PAM: variants seen among roughly 807,000 people sequenced by gnomAD.
The protein encoded by PAM is peptidylglycine alpha-amidating monooxygenase.
In PAM, 72 loss-of-function variants were observed where a neutral mutation model predicts 122.1. The ratio of observed to expected loss-of-function variants is 0.59; its 90% CI spans 0.49 to 0.72. The LOEUF (loss-of-function observed/expected upper bound fraction) is 0.72. Ranked by LOEUF, PAM falls within the 30% of genes least tolerant of loss-of-function variation. The probability of loss-of-function intolerance (pLI) is 0.00; values close to 1 mark genes in which losing one functional copy is unlikely to be tolerated. For missense variants in PAM, 1,106 were observed against 1,183.7 expected, an observed-to-expected ratio of 0.93 and a Z score of 0.96; for synonymous variants, 389 against 404.4, an observed-to-expected ratio of 0.96 and a Z score of 0.46.
At chr5:102,897,336 C>T (rs566633998) in intron 3 of PAM, among the ~76,000 whole-genome samples, 2 of 151,686 alleles carry the variant, frequency 1.3e-5, no homozygotes, top group Admixed American at 1.3e-4. Context: ...CTCTGAGGTA[C>T]AAAGTCACAA....
Position 103,003,104 on chromosome 5 carries a change from T to C in PAM, c.1685T>C (p.Ile562Thr). 2 of 1,603,204 alleles carry C rather than the reference T, an allele frequency of 1.2e-6. No homozygotes were observed. The highest frequency in any genetic ancestry group is 1.7e-6 in the Non-Finnish European group (2 of 1,170,178). The change falls in exon 17 of 26, where the codon ATA becomes ACA. Residue 562 changes from isoleucine to threonine, a missense_variant. Coordinates refer to ENST00000438793, the MANE Select transcript of PAM (RefSeq NM_001177306.2). ...GPIEEDTILV[I>T]DPNNAAVLQS... ...ATTGAAGAAGACACTATTCTTGTCA[T>C]AGATCCAAATAATGCTGCAGTACTC...
intron 4 of PAM, among the ~76,000 whole-genome samples, chr5:102,912,727 T>C (rs1452982756): frequency 1.3e-5 from 2 of 152,016 alleles, no homozygotes; most frequent in Non-Finnish European, 2.9e-5. Flanking sequence ...AAACCAAGCC[T>C]CAAGTTATAG....
intron 4 of PAM, among the ~76,000 whole-genome samples, chr5:102,906,645 G>A (rs531526811): frequency 6.6e-6 from 1 of 151,844 alleles, no homozygotes; most frequent in East Asian, 2.0e-4. Flanking sequence ...GGAGGACAAA[G>A]AACCAGACTC....
chr5:102,858,496 C>A lies in PAM; in HGVS notation c.-373-7327C>A, dbSNP rs145157319. On this transcript the variant is annotated intron_variant, in intron 1 of 25. Transcript: ENST00000438793. The stretch of plus-strand genomic sequence containing the variant: ...AGCCCAAAATGTTGATAGTGCTGAA[C>A]TTAAGAAGCTCTGCATTACAGCTAT... Among the ~76,000 whole-genome samples, 688 of 152,248 alleles carry A rather than the reference C, an allele frequency of 4.5e-3. 3 individuals are homozygous for A. The highest frequency in any genetic ancestry group is 0.014 in the Middle Eastern group (4 of 294).
At chr5:102,802,542 T>C (rs1488892062) in intron 1 of PAM, among the ~76,000 whole-genome samples, 1 of 152,102 alleles carries the variant, frequency 6.6e-6, no homozygotes, top group African/African-American at 2.4e-5. Flanking sequence ...GTCAAAGAAT[T>C]GCCATAGAAT....
At chr5:102,841,974 C>T (rs978617966) in intron 1 of PAM, among the ~76,000 whole-genome samples, 4 of 151,988 alleles carry the variant, frequency 2.6e-5, no homozygotes, top group East Asian at 1.9e-4. Context: ...GAATTTAATA[C>T]GGCTATACAC....
chr5:102,818,415 A>G (rs1770650821), intron 1 of PAM, among the ~76,000 whole-genome samples: 1 of 152,148 alleles, frequency 6.6e-6, no homozygotes, highest in South Asian at 2.1e-4. Context: ...TGAAAAAAAA[A>G]AAGGAAAATG....
chr5:102,947,139 G>A (rs1757313662), intron 8 of PAM, among the ~76,000 whole-genome samples: 1 of 152,198 alleles, frequency 6.6e-6, no homozygotes, highest in Admixed American at 6.5e-5. Context: ...GGCTTGACTG[G>A]GGAGGAGCCA....
At chr5:102,969,458 A>C (rs982867028) in intron 14 of PAM, among the ~76,000 whole-genome samples, 1 of 152,116 alleles carries the variant, frequency 6.6e-6, no homozygotes, top group African/African-American at 2.4e-5. Context: ...TTTGTCATCC[A>C]GAGCAGAGAT....
intron 1 of PAM, among the ~76,000 whole-genome samples, chr5:102,853,293 A>T (rs1341632207): frequency 6.6e-6 from 1 of 152,278 alleles, no homozygotes; most frequent in East Asian, 1.9e-4. Context: ...TTGAGGTTTT[A>T]GTTATATTTT....
chr5:102,963,882 A>G (rs190677087), intron 14 of PAM, among the ~76,000 whole-genome samples: 25 of 150,110 alleles, frequency 1.7e-4, no homozygotes, highest in African/African-American at 5.8e-4. Context: ...TATATATAGT[A>G]TTATATATAT....
At chr5:102,882,108 TATAC>T (rs1791445754) in intron 3 of PAM, among the ~76,000 whole-genome samples, 2 of 102,080 alleles carry the variant, frequency 2.0e-5, no homozygotes, top group East Asian at 3.1e-4. Flanking sequence ...TATATATATA[TATAC>T]ACCACATTTT....
intron 1 of PAM, among the ~76,000 whole-genome samples, chr5:102,797,030 A>T (rs916942071): frequency 3.9e-5 from 6 of 152,328 alleles, no homozygotes; most frequent in Non-Finnish European, 8.8e-5. Flanking sequence ...ATTGTGAATT[A>T]TTTTGAATGT....
chr5:102,810,012 C>T (rs1176238626), intron 1 of PAM, among the ~76,000 whole-genome samples: 4 of 152,098 alleles, frequency 2.6e-5, no homozygotes, highest in African/African-American at 9.7e-5. Flanking sequence ...GAAAGTAAGT[C>T]AATATAAACT....
intron 23 of PAM, among the ~76,000 whole-genome samples, chr5:103,024,151 G>A (rs1784348059): frequency 2.0e-5 from 3 of 152,076 alleles, no homozygotes; most frequent in Admixed American, 2.0e-4. Context: ...TCCTGCAAAT[G>A]TGGTTGTAAC....
In PAM at chr5:102,876,249, T is replaced by C. The variant is rs192168009; in HGVS notation, c.210+8856T>C. Among the ~76,000 whole-genome samples, 39 of 152,284 alleles carry C rather than the reference T, an allele frequency of 2.6e-4. 3 individuals are homozygous for C. The highest frequency in any genetic ancestry group is 9.1e-4 in the African/African-American group (38 of 41,590). On this transcript the variant is annotated intron_variant, in intron 3 of 25. Coordinates refer to ENST00000438793, the MANE Select transcript of PAM (RefSeq NM_001177306.2). ...TTCCAGCCTTTTCTCACAACAGCCA[T>C]CTTTTCAACTCTGGCCCAAGCACCA...
intron 1 of PAM, among the ~76,000 whole-genome samples, chr5:102,795,034 A>T (rs1047806237): frequency 6.6e-6 from 1 of 151,726 alleles, no homozygotes; most frequent in Admixed American, 6.6e-5. Context: ...TACAAAAAAT[A>T]AAAAAATTAG....
intron 18 of PAM, among the ~76,000 whole-genome samples, chr5:103,006,372 AAG>A (rs141766793): frequency 0.3 from 44,908 of 152,040 alleles, 6,746 homozygotes; most frequent in East Asian, 0.44. Flanking sequence ...TTATTTTTAA[AAG>A]AAGTTATATC....
intron 3 of PAM, among the ~76,000 whole-genome samples, chr5:102,881,743 G>A (rs1268861864): frequency 1.3e-5 from 2 of 149,768 alleles, no homozygotes; most frequent in Non-Finnish European, 3.0e-5. Flanking sequence ...CTTTGGTTAC[G>A]TGAATAAGTT....
Sources: gnomAD v4.1 joint callset for allele counts (sites outside exome capture counted in the v4.1 genomes callset) on GRCh38, gnomAD v4.1.1 for gene constraint, MANE v1.5 for transcripts, NCBI Gene and HGNC (gene_info 2026-07-23, HGNC 2026-07-21) for gene names.